The following MBNL2 variants were observed in gnomAD, a reference collection of about 807,000 sequenced individuals.
MBNL2 encodes muscleblind like splicing regulator 2, also known as muscleblind-like protein 2.
MBNL2 carries 17 observed loss-of-function variants against 41.9 expected under a neutral mutation model. The ratio of observed to expected loss-of-function variants is 0.41; its 90% CI spans 0.28 to 0.61. The LOEUF (loss-of-function observed/expected upper bound fraction) is 0.61, where lower values mean the gene tolerates loss of function less well. Among genes scored for constraint, MBNL2 ranks in the 20% least tolerant of loss-of-function variants. The pLI, the probability that MBNL2 is intolerant of heterozygous loss-of-function variation, is 0.35. For missense variants in MBNL2, 336 were observed against 505.6 expected (o/e 0.66, Z 3.22); for synonymous variants, 195 against 182.9 (o/e 1.07, Z -0.53).
intron 2 of MBNL2, among the ~76,000 whole-genome samples, chr13:97,308,497 A>T (rs975820791): frequency 1.2e-4 from 18 of 152,208 alleles, no homozygotes; most frequent in African/African-American, 4.1e-4. Flanking sequence ...GGGGAAAATG[A>T]TGAGGACAAA....
At chr13:97,314,968 T>C (rs756552524) in intron 2 of MBNL2, among the ~76,000 whole-genome samples, 21 of 152,230 alleles carry the variant, frequency 1.4e-4, no homozygotes, top group African/African-American at 4.8e-4. Context: ...GTTGAAAACA[T>C]TGGGCATATA....
chr13:97,159,397 T>G, the MBNL2 span, among the ~76,000 whole-genome samples: 2 of 152,062 alleles, frequency 1.3e-5, no homozygotes, highest in African/African-American at 4.8e-5. Flanking sequence ...TCCATTTACA[T>G]TTAAAGTTAA....
the MBNL2 span, among the ~76,000 whole-genome samples, chr13:97,152,442 G>A: frequency 0.01 from 1,567 of 152,044 alleles, 22 homozygotes; most frequent in African/African-American, 0.036. Flanking sequence ...TTAAAAGTAC[G>A]GCCAAGTGCG....
intron 8 of MBNL2, among the ~76,000 whole-genome samples, chr13:97,377,942 G>A (rs1480224253): frequency 6.6e-6 from 1 of 152,194 alleles, no homozygotes; most frequent in Non-Finnish European, 1.5e-5. Context: ...CGCTGCTTAT[G>A]TGGAACTTAT....
intron 2 of MBNL2, among the ~76,000 whole-genome samples, chr13:97,322,316 C>T (rs897298090): frequency 2.0e-5 from 3 of 152,160 alleles, no homozygotes; most frequent in African/African-American, 7.2e-5. Flanking sequence ...CCCCCTGCTG[C>T]AGTCCAGGAC....
chr13:97,162,026 A>G, the MBNL2 span, among the ~76,000 whole-genome samples: 1 of 152,196 alleles, frequency 6.6e-6, no homozygotes, highest in Non-Finnish European at 1.5e-5. Flanking sequence ...GTACAGTAGC[A>G]TTTGATCAGA....
intron 2 of MBNL2, among the ~76,000 whole-genome samples, chr13:97,291,008 GT>G (rs2055834828): frequency 6.6e-6 from 1 of 152,136 alleles, no homozygotes; most frequent in African/African-American, 2.4e-5. Flanking sequence ...CTGTGTAGGT[GT>G]TTGAATGTTA....
At chr13:97,337,107 G>C (rs1352517487) in intron 3 of MBNL2, among the ~76,000 whole-genome samples, 1 of 152,084 alleles carries the variant, frequency 6.6e-6, no homozygotes, top group Non-Finnish European at 1.5e-5. Context: ...ACTAGATCCT[G>C]AGGGTGGAGC....
At chr13:97,222,237 AGACGAGTAGGGCT>A, upstream of MBNL2, 1 of 394,504 alleles carries the variant, frequency 2.5e-6, no homozygotes. Context: ...GGCCAGTTTC[AGACGAGTAGGGCT>A]GACGAGCTGG....
the MBNL2 span, among the ~76,000 whole-genome samples, chr13:97,173,948 A>G: frequency 7.8e-3 from 1,195 of 152,326 alleles, 13 homozygotes; most frequent in East Asian, 0.037. Context: ...TGTGCCGTAA[A>G]AATTTATCAC....
the MBNL2 span, among the ~76,000 whole-genome samples, chr13:97,197,072 T>G: frequency 6.6e-6 from 1 of 152,176 alleles, no homozygotes; most frequent in Non-Finnish European, 1.5e-5. Flanking sequence ...CAAAAGACAT[T>G]GATTATTCAG....
chr13:97,265,305 A>G (rs1455654119), intron 1 of MBNL2, among the ~76,000 whole-genome samples: 1 of 152,274 alleles, frequency 6.6e-6, no homozygotes, highest in South Asian at 2.1e-4. Flanking sequence ...TATTTTTATC[A>G]TAAAACAAAG....
At chr13:97,277,496 G>A (rs2052408626) in intron 2 of MBNL2, among the ~76,000 whole-genome samples, 1 of 152,194 alleles carries the variant, frequency 6.6e-6, no homozygotes, top group East Asian at 1.9e-4. Context: ...ATTCTTGGGT[G>A]TTAAAGAGAC....
intron 3 of MBNL2, among the ~76,000 whole-genome samples, chr13:97,337,604 G>A (rs2060997356): frequency 6.6e-6 from 1 of 152,050 alleles, no homozygotes; most frequent in South Asian, 2.1e-4. Context: ...TCTCCTCTGA[G>A]CCCCAGGCTC....
chr13:97,192,155 A>G, the MBNL2 span, among the ~76,000 whole-genome samples: 1 of 152,238 alleles, frequency 6.6e-6, no homozygotes, highest in Non-Finnish European at 1.5e-5. Flanking sequence ...AGAGAATAAC[A>G]TCTTCAGATA....
intron 1 of MBNL2, among the ~76,000 whole-genome samples, chr13:97,255,745 T>C (rs1300554699): frequency 6.6e-6 from 1 of 152,228 alleles, no homozygotes; most frequent in Non-Finnish European, 1.5e-5. Context: ...TCATGTGCTG[T>C]GTTTAGATAT....
At chr13:97,185,093 C>T in the MBNL2 span, among the ~76,000 whole-genome samples, 1 of 152,008 alleles carries the variant, frequency 6.6e-6, no homozygotes, top group Non-Finnish European at 1.5e-5. Context: ...TTAATTGTTG[C>T]ATAATATTCA....
At chr13:97,286,264 A>G (rs1451415537) in intron 2 of MBNL2, among the ~76,000 whole-genome samples, 1 of 152,206 alleles carries the variant, frequency 6.6e-6, no homozygotes, top group Non-Finnish European at 1.5e-5. Context: ...CATTGGACCC[A>G]TTCTCAGTAG....
chr13:97,375,988 G>A (rs2064930956), intron 8 of MBNL2, among the ~76,000 whole-genome samples: 1 of 152,094 alleles, frequency 6.6e-6, no homozygotes, highest in Admixed American at 6.6e-5. Context: ...GGGTTATGGA[G>A]GGCCTTAAAG....
Sources: allele counts gnomAD v4.1 joint callset (sites outside exome capture counted in the v4.1 genomes callset), GRCh38; gene constraint gnomAD v4.1.1; transcripts MANE v1.5; gene names NCBI Gene and HGNC (gene_info 2026-07-23, HGNC 2026-07-21).